Variants in CSTPP1 observed in about 807,000 individuals in gnomAD.
CSTPP1 encodes the protein UPF0705 protein C11orf49.
chr11:47,139,277 A>T, the CSTPP1 span, among the ~76,000 whole-genome samples: 22 of 152,154 alleles, frequency 1.4e-4, 1 homozygote, highest in Non-Finnish European at 2.6e-4. Flanking sequence ...ACACAAATAC[A>T]TACCCACACT....
the CSTPP1 span, among the ~76,000 whole-genome samples, chr11:46,956,557 G>A: frequency 1.5e-4 from 23 of 152,206 alleles, 1 homozygote; most frequent in Middle Eastern, 6.8e-3. Context: ...CACCCAATGC[G>A]TTCTATTGTA....
chr11:47,064,293 C>T, the CSTPP1 span, among the ~76,000 whole-genome samples: 1 of 151,590 alleles, frequency 6.6e-6, no homozygotes, highest in Non-Finnish European at 1.5e-5. Context: ...TTTATCATAT[C>T]CTCTGATGTA....
the CSTPP1 span, among the ~76,000 whole-genome samples, chr11:46,957,131 A>G: frequency 6.6e-6 from 1 of 151,944 alleles, no homozygotes; most frequent in African/African-American, 2.4e-5. Flanking sequence ...CTCAGTTTCA[A>G]TTTCTTTTCT....
At chr11:47,135,250 A>C in the CSTPP1 span, among the ~76,000 whole-genome samples, 1 of 152,212 alleles carries the variant, frequency 6.6e-6, no homozygotes, top group Non-Finnish European at 1.5e-5. Context: ...AGTTCTAGAC[A>C]TTCTGCTAAG....
At chr11:46,978,448 A>G in the CSTPP1 span, among the ~76,000 whole-genome samples, 1 of 152,236 alleles carries the variant, frequency 6.6e-6, no homozygotes, top group Admixed American at 6.5e-5. Context: ...AGTAAAACAG[A>G]TCCAAAGTAT....
At chr11:46,970,445 A>T in the CSTPP1 span, among the ~76,000 whole-genome samples, 1 of 151,124 alleles carries the variant, frequency 6.6e-6, no homozygotes, top group Admixed American at 6.6e-5. Context: ...TCATTAATTG[A>T]GATAACTAGA....
At chr11:47,141,387 C>A in the CSTPP1 span, among the ~76,000 whole-genome samples, 1 of 152,074 alleles carries the variant, frequency 6.6e-6, no homozygotes. Flanking sequence ...GTAATCCCAA[C>A]ACTTGGGGAG....
the CSTPP1 span, among the ~76,000 whole-genome samples, chr11:47,070,956 C>G: frequency 6.6e-6 from 1 of 152,134 alleles, no homozygotes; most frequent in African/African-American, 2.4e-5. Flanking sequence ...TGCTTTCCCC[C>G]TTTCACACCT....
the CSTPP1 span, among the ~76,000 whole-genome samples, chr11:47,018,758 T>C: frequency 2.6e-5 from 4 of 152,224 alleles, no homozygotes; most frequent in African/African-American, 9.6e-5. Flanking sequence ...CTCATTGTGG[T>C]CTTGATTTGC....
At chr11:47,057,381 T>TATACATATATACATATAC in the CSTPP1 span, among the ~76,000 whole-genome samples, 2 of 152,214 alleles carry the variant, frequency 1.3e-5, no homozygotes, top group African/African-American at 4.8e-5. Flanking sequence ...ATTTTCAATA[T>TATACATATATACATATAC]ATACATATAT....
At chr11:46,960,725 G>A in the CSTPP1 span, among the ~76,000 whole-genome samples, 43 of 152,130 alleles carry the variant, frequency 2.8e-4, 1 homozygote, top group Non-Finnish European at 6.2e-4. Flanking sequence ...GGTGGCGGGT[G>A]CCTGTAATCT....
the CSTPP1 span, among the ~76,000 whole-genome samples, chr11:47,060,419 G>A: frequency 6.6e-6 from 1 of 151,464 alleles, no homozygotes; most frequent in Admixed American, 6.6e-5. Flanking sequence ...TGTATTTTTT[G>A]TAGAGATGGG....
At chr11:47,149,219 G>C in the CSTPP1 span, among the ~76,000 whole-genome samples, 2 of 152,224 alleles carry the variant, frequency 1.3e-5, no homozygotes, top group African/African-American at 4.8e-5. Context: ...CTCTAGCCCG[G>C]AGGCATGGTC....
At chr11:47,090,373 G>T in the CSTPP1 span, among the ~76,000 whole-genome samples, 1 of 152,152 alleles carries the variant, frequency 6.6e-6, no homozygotes, top group East Asian at 1.9e-4. Flanking sequence ...AACAAAAGGT[G>T]ACTGATGTTC....
At chr11:47,090,587 G>A in the CSTPP1 span, among the ~76,000 whole-genome samples, 1 of 152,160 alleles carries the variant, frequency 6.6e-6, no homozygotes, top group Non-Finnish European at 1.5e-5. Context: ...CATCATGGGG[G>A]CTGCACAGCC....
the CSTPP1 span, chr11:47,160,886 G>A: frequency 1.8e-6 from 1 of 552,642 alleles, no homozygotes. Context: ...CACACTCCTT[G>A]GCTGTGGTGT....
the CSTPP1 span, among the ~76,000 whole-genome samples, chr11:46,959,285 T>C: frequency 6.6e-6 from 1 of 152,000 alleles, no homozygotes; most frequent in Admixed American, 6.6e-5. Flanking sequence ...GTGTTTTTCA[T>C]ATACAGACTT....
chr11:46,971,811 G>T, the CSTPP1 span, among the ~76,000 whole-genome samples: 1 of 152,128 alleles, frequency 6.6e-6, no homozygotes, highest in Non-Finnish European at 1.5e-5. Flanking sequence ...GGCAGGTGTG[G>T]TGGTGTGGCA....
At chr11:47,161,853 G>A in the CSTPP1 span, 2 of 1,352,280 alleles carry the variant, frequency 1.5e-6, no homozygotes, top group Non-Finnish European at 1.9e-6. Flanking sequence ...CTATCAGCCT[G>A]TGAACTTCAC....
Sources: allele counts gnomAD v4.1 joint callset (sites outside exome capture counted in the v4.1 genomes callset), GRCh38; gene constraint gnomAD v4.1.1; transcripts MANE v1.5; gene names NCBI Gene and HGNC (gene_info 2026-07-23, HGNC 2026-07-21).